Variants in ZNF675 observed in about 807,000 individuals in gnomAD.
The protein encoded by ZNF675 is zinc finger protein 675, also known as TRAF6 inhibitory zinc finger.
Under a neutral mutation model 56.1 loss-of-function variants are expected in ZNF675, and 36 were observed. The observed-to-expected ratio is 0.64, with a 90% CI of 0.49 to 0.85. The LOEUF (loss-of-function observed/expected upper bound fraction) is 0.85. Ranked by LOEUF, ZNF675 falls within the 40% of genes least tolerant of loss-of-function variation. The pLI, the probability that ZNF675 is intolerant of heterozygous loss-of-function variation, is 0.00. For synonymous variants in ZNF675, 200 were observed against 218.9 expected (o/e 0.91, Z 0.76); for missense variants, 663 against 654.2 (o/e 1.01, Z -0.15).
intron 1 of ZNF675, among the ~76,000 whole-genome samples, chr19:23,666,511 C>T (rs1968152629): frequency 6.6e-6 from 1 of 152,184 alleles, no homozygotes. Flanking sequence ...GGACCTTAAG[C>T]CATTGTTCGG....
At chr19:23,670,757 G>A (rs536486670) in intron 1 of ZNF675, among the ~76,000 whole-genome samples, 8 of 152,258 alleles carry the variant, frequency 5.3e-5, no homozygotes, top group African/African-American at 1.9e-4. Context: ...AAGCTATTCT[G>A]AGAATCTTGG....
chr19:23,663,029 T>C lies in ZNF675; in HGVS notation c.130+3A>G, dbSNP rs1264469306. ...AGAAACTGTGTGTTTAAGTTATCCT[T>C]ACCCAGGAAGACCAGGTTTCTGTAG... On this transcript the variant is annotated splice_donor_region_variant and intron_variant, in intron 2 of 3. Transcript: ENST00000359788. 6.3e-7 allele frequency: 1 copy of C among 1,579,810 alleles called. No individual in the cohort carries two copies. The highest frequency in any genetic ancestry group is 8.6e-7 in the Non-Finnish European group (1 of 1,168,298).
intron 1 of ZNF675, among the ~76,000 whole-genome samples, chr19:23,672,205 T>C (rs1968235717): frequency 6.8e-6 from 1 of 146,098 alleles, no homozygotes; most frequent in Non-Finnish European, 1.5e-5. Flanking sequence ...ACAAGAATAC[T>C]CTACTCCAGT....
In ZNF675 at chr19:23,654,229, C is replaced by G; in HGVS notation, c.704G>C (p.Arg235Thr). 1.2e-6 allele frequency: 2 copies of G among 1,613,904 alleles called. No homozygotes were observed. The highest frequency in any genetic ancestry group is 1.7e-6 in the Non-Finnish European group (2 of 1,179,932). ...AAGGTTTGAGAATTGGTTAAAAGTT[C>G]TGTCACATTCTTGACATTTGTAGAG... ...EKLYKCQECD[R>T]TFNQFSNLTE... Residue 235 changes from arginine to threonine, a missense_variant, in exon 4 of 4, where the codon AGA becomes ACA. Physicochemically the swap from Arg to Thr is moderately conservative, Grantham distance 71. Around this residue, in one of 3 missense-constraint regions of ZNF675, gnomAD observed 617 missense variants for 590.5 expected, o/e 1.04. Coordinates refer to ENST00000359788, the MANE Select transcript of ZNF675 (RefSeq NM_138330.3).
intron 1 of ZNF675, among the ~76,000 whole-genome samples, chr19:23,674,793 A>T (rs1968274913): frequency 1.3e-5 from 2 of 150,874 alleles, no homozygotes; most frequent in South Asian, 4.2e-4. Flanking sequence ...ACATGGTGAA[A>T]CTCTGTCTCT....
At chr19:23,686,933 A>C in intron 1 of ZNF675, 98 bp downstream of exon 1, 1 of 1,436,268 alleles carries the variant, frequency 7.0e-7, no homozygotes, top group Non-Finnish European at 9.8e-7. Flanking sequence ...CAGATTGTGG[A>C]GCTGACTGCG....
Position 23,680,149 on chromosome 19 carries a change from T to C in ZNF675, c.3+6882A>G, listed in dbSNP as rs907602496. ...GGTGAAACCCTGTCTCTACTAAAAA[T>C]AGAATTAGCTGGGTGTGGTAGCAGG... On this transcript the variant is annotated intron_variant, in intron 1 of 3. Coordinates refer to ENST00000359788, the MANE Select transcript of ZNF675 (RefSeq NM_138330.3). 5.6e-4 allele frequency among the ~76,000 whole-genome samples: 85 copies of C among 150,462 alleles called. 2 individuals carry two copies. The highest frequency in any genetic ancestry group is 2.0e-3 in the African/African-American group (79 of 40,496).
chr19:23,653,061 C>T lies in ZNF675; in HGVS notation c.*165G>A. Reference sequence around the variant, plus strand: ...GTTTGAGCCTTAATTAACAGTATTGCCAAATTCTTCACACTTGTAGTTTTC... The same window carrying T: ...GTTTGAGCCTTAATTAACAGTATTGTCAAATTCTTCACACTTGTAGTTTTC... On this transcript the variant is annotated 3_prime_UTR_variant, in exon 4 of 4. Coordinates refer to ENST00000359788, the MANE Select transcript of ZNF675 (RefSeq NM_138330.3). 1 of 671,654 alleles carries T rather than the reference C, an allele frequency of 1.5e-6. No individual in the cohort carries two copies. The highest frequency in any genetic ancestry group is 2.6e-5 in the South Asian group (1 of 38,406). 41.6% of individuals were successfully genotyped at this position (671,654 alleles called of 1,614,324 possible).
chr19:23,668,628 G>C (rs1029407204), intron 1 of ZNF675, among the ~76,000 whole-genome samples: 8 of 152,258 alleles, frequency 5.3e-5, no homozygotes, highest in Non-Finnish European at 7.3e-5. Context: ...ACGGAGGCGA[G>C]GGAAGACTCA....
intron 1 of ZNF675, among the ~76,000 whole-genome samples, chr19:23,665,173 C>T (rs1968133403): frequency 6.6e-6 from 1 of 151,772 alleles, no homozygotes; most frequent in Non-Finnish European, 1.5e-5. Flanking sequence ...GGTGAAACCC[C>T]ATCTCTACTA....
intron 1 of ZNF675, among the ~76,000 whole-genome samples, chr19:23,677,098 G>GA (rs57575375): frequency 1.2e-4 from 17 of 143,460 alleles, no homozygotes; most frequent in South Asian, 4.3e-4. Context: ...AAAGAGAAAA[G>GA]AAAAAAAAGA....
chr19:23,675,620 T>G (rs1054900146), intron 1 of ZNF675, among the ~76,000 whole-genome samples: 1 of 151,596 alleles, frequency 6.6e-6, no homozygotes, highest in Admixed American at 6.6e-5. Flanking sequence ...AATAATAAAA[T>G]TAAGGCAGAA....
At chr19:23,684,186 C>A (rs963770460) in intron 1 of ZNF675, among the ~76,000 whole-genome samples, 1 of 149,614 alleles carries the variant, frequency 6.7e-6, no homozygotes, top group South Asian at 2.1e-4. Flanking sequence ...GGCTTGAACC[C>A]GGGAGGCAGA....
intron 1 of ZNF675, among the ~76,000 whole-genome samples, chr19:23,680,007 C>A (rs909028239): frequency 3.4e-5 from 5 of 149,000 alleles, no homozygotes; most frequent in Non-Finnish European, 7.4e-5. Context: ...CAAAAAAAAA[C>A]ATTAATAAAA....
chr19:23,653,950 G>C lies in ZNF675; in HGVS notation c.983C>G (p.Thr328Ser). 6.2e-7 allele frequency: 1 copy of C among 1,613,514 alleles called. No homozygotes were observed. The highest frequency in any genetic ancestry group is 1.1e-5 in the South Asian group (1 of 91,076). Residue 328 changes from threonine to serine, a missense_variant, in exon 4 of 4, where the codon ACT (threonine) becomes AGT (serine). Physicochemically the swap from Thr to Ser is moderately conservative, Grantham distance 58. Around this residue, in one of 3 missense-constraint regions of ZNF675, gnomAD observed 617 missense variants for 590.5 expected, o/e 1.04. Coordinates refer to ENST00000359788, the MANE Select transcript of ZNF675 (RefSeq NM_138330.3). ...TCCAGTATGAATTCTCTTATGTGTA[G>C]TAAGGGTTGAGGATTGGGTAAAAGC... ...GKAFTQSSTL[T>S]THKRIHTGEK...
At position 23,654,245 on chromosome 19, in the gene ZNF675, A is replaced by G. The variant is rs1489438792; in HGVS notation, c.688T>C (p.Cys230Arg). ...TTAAAAGTTCTGTCACATTCTTGAC[A>G]TTTGTAGAGTTTCTCACAAGTATAA... ...RIYTCEKLYK[C>R]QECDRTFNQF... The change falls in exon 4 of 4, where the codon TGT becomes CGT. Residue 230 changes from cysteine to arginine, a missense_variant. Coordinates refer to ENST00000359788, the MANE Select transcript of ZNF675 (RefSeq NM_138330.3). 1 of 1,613,760 alleles carries G rather than the reference A, an allele frequency of 6.2e-7. No individual in the cohort carries two copies. The highest frequency in any genetic ancestry group is 2.2e-5 in the East Asian group (1 of 44,860).
rs376422000 is a variant in ZNF675 at position 23,686,896 on chromosome 19, C to G, written c.3+135G>C. 7 of 1,110,364 alleles carry G rather than the reference C, an allele frequency of 6.3e-6. No individual in the cohort carries two copies. The East Asian group carries it at 1.2e-4, about 19-fold the overall frequency. The allele number at this position is 1,110,364 out of a possible 1,614,324, so 68.8% of individuals were successfully genotyped here. ...ATCTTATGGCTGCAGGGGACTGAGCCGAGCTGGGGAAGGAGAACTCGGGGT... is the reference window on the plus strand; with the variant it reads ...ATCTTATGGCTGCAGGGGACTGAGCGGAGCTGGGGAAGGAGAACTCGGGGT... On this transcript the variant is annotated intron_variant, in intron 1 of 3. Transcript: ENST00000359788.
intron 1 of ZNF675, among the ~76,000 whole-genome samples, chr19:23,669,297 C>T (rs116087686): frequency 0.034 from 2,453 of 72,392 alleles, 73 homozygotes; most frequent in African/African-American, 0.1. Context: ...CCGTTGGCAG[C>T]GGGCAGTTCG....
intron 3 of ZNF675, among the ~76,000 whole-genome samples, chr19:23,658,171 C>A (rs892939239): frequency 6.6e-6 from 1 of 151,750 alleles, no homozygotes; most frequent in African/African-American, 2.4e-5. Flanking sequence ...CCAGACTCGG[C>A]AACACGGTGA....
Sources: allele counts gnomAD v4.1 joint callset (sites outside exome capture counted in the v4.1 genomes callset), GRCh38; gene constraint gnomAD v4.1.1; regional missense constraint gnomAD v4.1.1; transcripts MANE v1.5; gene names NCBI Gene and HGNC (gene_info 2026-07-23, HGNC 2026-07-21).